Variants in MMP2 observed in about 807,000 individuals in gnomAD.
MMP2 encodes the protein 72 kDa type IV collagenase.
MMP2 carries 39 observed loss-of-function variants against 74.8 expected under a neutral mutation model. The ratio of observed to expected loss-of-function variants is 0.52; its 90% CI spans 0.40 to 0.68. The LOEUF (loss-of-function observed/expected upper bound fraction) is 0.68. Ranked by LOEUF, MMP2 falls within the 30% of genes least tolerant of loss-of-function variation. The pLI is 0.00. For synonymous variants in MMP2, 367 were observed against 339.8 expected (o/e 1.08, Z -0.88); for missense variants, 803 against 878.3 (o/e 0.91, Z 1.08).
rs542821918 is a variant in MMP2, at chr16:55,495,287, C to T, written c.1473-1639C>T. Reference sequence around the variant, plus strand: ...GAAAGCCCTGACCACACATGCAGATCTCAGATGTGTGGGGCCTAGGAAAGG... The same window carrying T: ...GAAAGCCCTGACCACACATGCAGATTTCAGATGTGTGGGGCCTAGGAAAGG... On this transcript the variant is annotated intron_variant, in intron 9 of 12. Transcript: ENST00000219070. Among the ~76,000 whole-genome samples, 3 of 152,352 alleles carry T rather than the reference C, an allele frequency of 2.0e-5. No homozygotes were observed. The East Asian group carries it at 5.8e-4, about 29-fold the overall frequency.
At chr16:55,486,213 T>C (rs1458628763) in intron 5 of MMP2, among the ~76,000 whole-genome samples, 3 of 152,096 alleles carry the variant, frequency 2.0e-5, no homozygotes, top group South Asian at 4.1e-4. Flanking sequence ...AGCAGTGTGA[T>C]AGGGAGGCAG....
At chr16:55,483,968 C>A (rs17859871) in intron 2 of MMP2, 48 bp from the exon 3 acceptor site, 4 of 1,580,430 alleles carry the variant, frequency 2.5e-6, no homozygotes, top group Non-Finnish European at 3.5e-6. Context: ...CATATACATA[C>A]ACTTATGCAC....
In MMP2 at chr16:55,498,334, A is replaced by G; in HGVS notation, c.1655A>G (p.Tyr552Cys). Residue 552 changes from tyrosine to cysteine, a missense_variant, in exon 11 of 13, where the codon TAC (tyrosine) becomes TGC (cysteine). Around this residue, in one of 3 missense-constraint regions of MMP2, gnomAD observed 555 missense variants for 592.0 expected, o/e 0.94. Coordinates refer to ENST00000219070, the MANE Select transcript of MMP2 (RefSeq NM_004530.6). ...IYSASTLERG[Y>C]PKPLTSLGLP... ...TCAGCCAGCACCCTGGAGCGAGGGT[A>G]CCCCAAGCCACTGACCAGCCTGGGA... is the stretch of plus-strand genomic sequence containing the variant. 6.2e-7 allele frequency: 1 copy of G among 1,614,236 alleles called. No homozygotes were observed. Among genetic ancestry groups the G allele is most frequent in the South Asian group, 1.1e-5 (1 of 91,088 alleles).
intron 12 of MMP2, among the ~76,000 whole-genome samples, chr16:55,503,635 A>G (rs1962724472): frequency 6.6e-6 from 1 of 152,134 alleles, no homozygotes; most frequent in Admixed American, 6.5e-5. Context: ...AAGAATAAAC[A>G]TCTATTGAGC....
Position 55,489,708 on chromosome 16 carries a change from T to C in MMP2, c.1064T>C (p.Phe355Ser). 6.2e-7 allele frequency: 1 copy of C among 1,614,108 alleles called. No individual in the cohort carries two copies. Among genetic ancestry groups the C allele is most frequent in the Non-Finnish European group, 8.5e-7 (1 of 1,180,018 alleles). ...GCCCCCTGTGTCTTCCCCTTCACTT[T>C]CCTGGGCAACAAATATGAGAGCTGC... ...EGAPCVFPFT[F>S]LGNKYESCTS... is the part of the protein sequence containing the mutation. The change falls in exon 7 of 13, where the codon TTC becomes TCC. Residue 355 changes from phenylalanine to serine, a missense_variant. Transcript: ENST00000219070.
In MMP2 at chr16:55,479,281, G is replaced by A; in HGVS notation, c.-199G>A. On this transcript the variant is annotated 5_prime_UTR_variant, in exon 1 of 13. Coordinates refer to ENST00000219070, the MANE Select transcript of MMP2 (RefSeq NM_004530.6). ...TACAAAGGGATTGCCAGGACCTGCG[G>A]CGGCGGCGGCGGCGGCGGGGGCTGG... 2.4e-6 allele frequency: 1 copy of A among 417,820 alleles called. No individual in the cohort carries two copies. The highest frequency in any genetic ancestry group is 3.8e-6 in the Non-Finnish European group (1 of 261,918). 25.9% of individuals were successfully genotyped at this position (417,820 alleles called of 1,614,324 possible).
intron 9 of MMP2, among the ~76,000 whole-genome samples, chr16:55,493,951 A>G (rs1343228765): frequency 6.6e-6 from 1 of 152,180 alleles, no homozygotes; most frequent in Non-Finnish European, 1.5e-5. Context: ...ACTGAGGTTT[A>G]CCCTAATGCC....
intron 1 of MMP2, among the ~76,000 whole-genome samples, 193 bp from the exon 2 acceptor site, chr16:55,482,716 T>C (rs1238618854): frequency 6.6e-6 from 1 of 152,214 alleles, no homozygotes; most frequent in Non-Finnish European, 1.5e-5. Context: ...TAGCTGTATG[T>C]CCTGTCGCTC....
Position 55,502,997 on chromosome 16 carries a change from G to T in MMP2, c.1879+109G>T, listed in dbSNP as rs1217311479. 32 of 888,142 alleles carry T rather than the reference G, an allele frequency of 3.6e-5. No individual in the cohort carries two copies. In the Admixed American group the frequency reaches 6.0e-4, roughly 17 times the overall value. The allele number at this position is 888,142 out of a possible 1,614,324, so 55.0% of individuals were successfully genotyped here. ...ATTGTGCAGGGCAGGCAGGCAGGCG[G>T]CGCCCAGGAAAACAAATCAACTCCT... On this transcript the variant is annotated intron_variant, in intron 12 of 12. Coordinates refer to ENST00000219070, the MANE Select transcript of MMP2 (RefSeq NM_004530.6).
At chr16:55,483,175 G>C in intron 2 of MMP2, 40 bp downstream of exon 2, 1 of 1,516,162 alleles carries the variant, frequency 6.6e-7, no homozygotes, top group East Asian at 2.3e-5. Context: ...CCATGGGGCT[G>C]AGGGACACGA....
chr16:55,489,503 A>G, intron 6 of MMP2, 148 bp from the exon 7 acceptor site: 1 of 928,954 alleles, frequency 1.1e-6, no homozygotes, highest in Non-Finnish European at 1.8e-6. Flanking sequence ...GGCTGTTGTC[A>G]GGGGTGGGTG....
chr16:55,488,602 C>T lies in MMP2; in HGVS notation c.892C>T (p.Gln298Ter). ...GCCCTGCAAGTTTCCATTCCGCTTC[C>T]AGGGCACATCCTATGACAGCTGCAC... The part of the protein sequence containing the change: ...GQPCKFPFRF[Q>*]GTSYDSCTTE... The change falls in exon 6 of 13, where the codon CAG becomes TAG. Residue 298 changes from glutamine (Q) to a stop codon, truncating the protein, a stop_gained. Transcript: ENST00000219070. LOFTEE classifies it high-confidence loss of function. The T allele has an allele frequency of 6.2e-7, 1 of 1,613,980 alleles. No individual in the cohort carries two copies. The highest frequency in any genetic ancestry group is 8.5e-7 in the Non-Finnish European group (1 of 1,179,966).
intron 1 of MMP2, chr16:55,479,900 A>C (rs1294556795): frequency 2.4e-6 from 1 of 412,136 alleles, no homozygotes; most frequent in Non-Finnish European, 4.3e-6. Flanking sequence ...AGAGTGGGAG[A>C]GGGGTGACCT....
At position 55,492,787 on chromosome 16, in the gene MMP2, C is replaced by T. The variant is rs114239797; in HGVS notation, c.1337-371C>T. On this transcript the variant is annotated intron_variant, in intron 8 of 12. Coordinates refer to ENST00000219070, the MANE Select transcript of MMP2 (RefSeq NM_004530.6). ...ATACTGTCAGTTCTGGACACACCAG[C>T]GGCCCCCTGACCGCCCTGACTCTTG... 8.8e-3 allele frequency among the ~76,000 whole-genome samples: 1,342 copies of T among 152,204 alleles called. 21 individuals are homozygous for T. Among genetic ancestry groups the T allele is most frequent in the African/African-American group, 0.03 (1,229 of 41,508 alleles).
At chr16:55,492,915 C>A (rs953068070) in intron 8 of MMP2, among the ~76,000 whole-genome samples, 1 of 152,128 alleles carries the variant, frequency 6.6e-6, no homozygotes, top group Non-Finnish European at 1.5e-5. Context: ...TCATGATACC[C>A]CACTCCCAGG....
chr16:55,488,396 C>A, intron 5 of MMP2, 147 bp from the exon 6 acceptor site: 3 of 814,220 alleles, frequency 3.7e-6, no homozygotes, highest in South Asian at 1.6e-5. Context: ...AGAGAAGCAG[C>A]TCCTTACCAA....
chr16:55,489,614 CT>C, intron 6 of MMP2, 36 bp from the exon 7 acceptor site: 1 of 1,612,144 alleles, frequency 6.2e-7, no homozygotes, highest in Non-Finnish European at 8.5e-7. Flanking sequence ...GCCTCAGACT[CT>C]TTGCTGCGCC....
Position 55,479,294 on chromosome 16 carries a change from C to G in MMP2, c.-186C>G. The stretch of plus-strand genomic sequence containing the variant: ...CCAGGACCTGCGGCGGCGGCGGCGG[C>G]GGCGGGGGCTGGGGCGCGGGGGCCG... On this transcript the variant is annotated 5_prime_UTR_variant, in exon 1 of 13. Coordinates refer to ENST00000219070, the MANE Select transcript of MMP2 (RefSeq NM_004530.6). The G allele has an allele frequency of 3.7e-6, 2 of 534,486 alleles. No homozygotes were observed. The highest frequency in any genetic ancestry group is 5.5e-6 in the Non-Finnish European group (2 of 364,708). 33.1% of individuals were successfully genotyped at this position (534,486 alleles called of 1,614,324 possible).
At chr16:55,502,745 G>A (rs1567382976) in intron 11 of MMP2, 34 bp from the exon 12 acceptor site, 3 of 1,579,446 alleles carry the variant, frequency 1.9e-6, no homozygotes, top group Non-Finnish European at 2.6e-6. Context: ...CTTTAGAGAG[G>A]CCCTGCTGGT....
Sources: allele counts gnomAD v4.1 joint callset (sites outside exome capture counted in the v4.1 genomes callset), GRCh38; gene constraint gnomAD v4.1.1; regional missense constraint gnomAD v4.1.1; transcripts MANE v1.5; gene names NCBI Gene and HGNC (gene_info 2026-07-23, HGNC 2026-07-21).